Variants in ERC1 observed in about 807,000 individuals in gnomAD.
The protein encoded by ERC1 is RAB6 interacting protein 2.
A neutral mutation model predicts 132.0 loss-of-function variants in ERC1; 56 were observed. The ratio of observed to expected loss-of-function variants is 0.42; its 90% confidence interval spans 0.34 to 0.53. The LOEUF is 0.53. Among genes scored for constraint, ERC1 ranks in the 20% least tolerant of loss-of-function variants. The pLI is 0.03. For synonymous variants in ERC1, 478 were observed against 476.1 expected (o/e 1.00, Z -0.05); for missense variants, 1,202 against 1,349.9 (o/e 0.89, Z 1.72).
chr12:1,393,109 C>A (rs2090118421), intron 16 of ERC1, among the ~76,000 whole-genome samples: 1 of 152,204 alleles, frequency 6.6e-6, no homozygotes, highest in Admixed American at 6.5e-5. Flanking sequence ...TTTAAAGATA[C>A]TTCACTGTAT....
chr12:1,053,469 A>G (rs1972399261), intron 2 of ERC1, among the ~76,000 whole-genome samples: 1 of 152,218 alleles, frequency 6.6e-6, no homozygotes, highest in Non-Finnish European at 1.5e-5. Context: ...AGCTAATGCT[A>G]GGATTCCCTG....
intron 12 of ERC1, among the ~76,000 whole-genome samples, chr12:1,210,911 C>T (rs962222025): frequency 2.6e-5 from 4 of 151,420 alleles, no homozygotes; most frequent in Non-Finnish European, 4.4e-5. Flanking sequence ...AGGAGAGTCT[C>T]TTGAACCCGG....
chr12:1,015,097 C>G (rs547789510), intron 1 of ERC1, among the ~76,000 whole-genome samples: 1 of 143,984 alleles, frequency 6.9e-6, no homozygotes, highest in African/African-American at 2.6e-5. Flanking sequence ...TTGAGACAGT[C>G]TTGCTCTGTT....
chr12:1,158,835 C>G (rs1438225974), intron 8 of ERC1, among the ~76,000 whole-genome samples: 4 of 152,088 alleles, frequency 2.6e-5, no homozygotes, highest in African/African-American at 9.7e-5. Context: ...GGTGCTATCC[C>G]AATTCCTTGT....
intron 2 of ERC1, among the ~76,000 whole-genome samples, chr12:1,057,267 G>A (rs1973140055): frequency 6.6e-6 from 1 of 152,004 alleles, no homozygotes; most frequent in Non-Finnish European, 1.5e-5. Flanking sequence ...GGGATTACAG[G>A]CGTACATCAC....
chr12:1,174,065 T>C (rs1310077853), intron 8 of ERC1, among the ~76,000 whole-genome samples: 1 of 152,134 alleles, frequency 6.6e-6, no homozygotes, highest in Non-Finnish European at 1.5e-5. Context: ...TCAGCTGTTA[T>C]CCATTGTGAT....
rs75035065 is a variant in ERC1, at chr12:1,396,712, T to C, written c.2926-11437T>C. Reference sequence around the variant, plus strand: ...GATAAAGATGAGGTGTGTGAGCCTATGCAGCAGCTGCCCAGGGGCTAGCAG... The same window carrying C: ...GATAAAGATGAGGTGTGTGAGCCTACGCAGCAGCTGCCCAGGGGCTAGCAG... On this transcript the variant is annotated intron_variant, in intron 16 of 18. Transcript: ENST00000360905. 5.2e-3 allele frequency among the ~76,000 whole-genome samples: 789 copies of C among 152,292 alleles called. 4 individuals carry two copies. The highest frequency in any genetic ancestry group is 8.2e-3 in the Non-Finnish European group (557 of 68,024).
chr12:1,124,803 A>G (rs1156406405), intron 7 of ERC1, among the ~76,000 whole-genome samples: 1 of 152,122 alleles, frequency 6.6e-6, no homozygotes, highest in Non-Finnish European at 1.5e-5. Context: ...AAACAATTAT[A>G]TTCGAATAAG....
chr12:1,198,198 G>A (rs6489269), intron 12 of ERC1, among the ~76,000 whole-genome samples: 50,723 of 152,096 alleles, frequency 0.33, 9,783 homozygotes, highest in African/African-American at 0.52. Flanking sequence ...AAAGTGATAC[G>A]ATTACAGAGG....
intron 2 of ERC1, 64 bp downstream of exon 2, chr12:1,028,636 T>C: frequency 7.6e-7 from 1 of 1,308,504 alleles, no homozygotes; most frequent in Non-Finnish European, 1.0e-6. Flanking sequence ...ATAGCCTTTT[T>C]TTCCCCTTTC....
chr12:1,029,988 TC>T (rs1425684562), intron 2 of ERC1, among the ~76,000 whole-genome samples: 1 of 152,116 alleles, frequency 6.6e-6, no homozygotes, highest in Non-Finnish European at 1.5e-5. Flanking sequence ...CCTCAGGTGG[TC>T]CACCTGCCTT....
At chr12:1,095,172 G>A (rs747289802) in intron 3 of ERC1, among the ~76,000 whole-genome samples, 42 of 152,264 alleles carry the variant, frequency 2.8e-4, no homozygotes, top group Admixed American at 6.5e-4. Context: ...GCTCATACCT[G>A]TAATCCCAGC....
intron 14 of ERC1, among the ~76,000 whole-genome samples, chr12:1,267,989 A>G (rs551273695): frequency 6.6e-6 from 1 of 152,238 alleles, no homozygotes; most frequent in South Asian, 2.1e-4. Context: ...AGGATTACAT[A>G]TTTTTTTGTT....
chr12:1,460,969 T>TTG (rs1365596693), intron 18 of ERC1, among the ~76,000 whole-genome samples: 1 of 141,194 alleles, frequency 7.1e-6, no homozygotes, highest in Non-Finnish European at 1.5e-5. Context: ...TTTTTTTTTT[T>TTG]TTTTTTTTTT....
chr12:1,324,140 A>C (rs1441988892), intron 15 of ERC1, among the ~76,000 whole-genome samples: 1 of 152,222 alleles, frequency 6.6e-6, no homozygotes, highest in Non-Finnish European at 1.5e-5. Flanking sequence ...GATCTGATAA[A>C]TTACAATGAG....
chr12:1,332,761 A>G (rs1472885848), intron 15 of ERC1, among the ~76,000 whole-genome samples: 1 of 152,214 alleles, frequency 6.6e-6, no homozygotes, highest in African/African-American at 2.4e-5. Flanking sequence ...CATAGAAAAG[A>G]TCATTTCAGG....
At chr12:1,154,354 T>TACACACACACACACACACACACAC (rs35510985) in intron 8 of ERC1, among the ~76,000 whole-genome samples, 1 of 145,740 alleles carries the variant, frequency 6.9e-6, no homozygotes, top group African/African-American at 2.6e-5. Flanking sequence ...TGTGTGTTTA[T>TACACACACACACACACACACACAC]ACACACACAC....
At chr12:1,103,293 C>T (rs1944881640) in intron 3 of ERC1, among the ~76,000 whole-genome samples, 1 of 152,302 alleles carries the variant, frequency 6.6e-6, no homozygotes, top group African/African-American at 2.4e-5. Context: ...GTGGCTAAAG[C>T]ATGGAGACCC....
chr12:1,098,687 TGA>T (rs1308078404), intron 3 of ERC1, among the ~76,000 whole-genome samples: 2 of 152,198 alleles, frequency 1.3e-5, no homozygotes, highest in Admixed American at 1.3e-4. Flanking sequence ...AAAATAAGTG[TGA>T]GTTGCCTGTT....
Sources: gnomAD v4.1 joint callset for allele counts (sites outside exome capture counted in the v4.1 genomes callset) on GRCh38, gnomAD v4.1.1 for gene constraint, MANE v1.5 for transcripts, NCBI Gene and HGNC (gene_info 2026-07-23, HGNC 2026-07-21) for gene names.